The following WNK2 variants were observed in gnomAD, a reference collection of about 807,000 sequenced individuals.
WNK2 encodes serine/threonine-protein kinase WNK2.
WNK2 carries 67 observed loss-of-function variants against 192.1 expected under a neutral mutation model. That is an observed-to-expected ratio of 0.35 (90% CI 0.29 to 0.43). The LOEUF is 0.43. Ranked by LOEUF, WNK2 falls within the 20% of genes least tolerant of loss-of-function variation. The probability of loss-of-function intolerance (pLI) is 1.00; values close to 1 mark genes in which losing one functional copy is unlikely to be tolerated. For missense variants in WNK2, 2,698 were observed against 3,089.7 expected (o/e 0.87, Z 3.01); for synonymous variants, 1,439 against 1,393.9 (o/e 1.03, Z -0.72).
intron 7 of WNK2, among the ~76,000 whole-genome samples, chr9:93,241,914 G>C (rs1840838948): frequency 6.6e-6 from 1 of 152,082 alleles, no homozygotes; most frequent in African/African-American, 2.4e-5. Flanking sequence ...CTGCTCCTGG[G>C]GCTGGCTGTG....
intron 5 of WNK2, among the ~76,000 whole-genome samples, chr9:93,237,158 ATTC>A (rs1255696830): frequency 6.6e-6 from 1 of 152,140 alleles, no homozygotes; most frequent in Non-Finnish European, 1.5e-5. Context: ...GTTTCACAGA[ATTC>A]TTCAATTTAT....
At chr9:93,198,363 G>A (rs1333057392) in intron 2 of WNK2, among the ~76,000 whole-genome samples, 1 of 152,366 alleles carries the variant, frequency 6.6e-6, no homozygotes, top group East Asian at 1.9e-4. Flanking sequence ...GGGCTTGCTG[G>A]CAGGAGGAGG....
At chr9:93,237,494 T>C (rs1440345524) in intron 5 of WNK2, among the ~76,000 whole-genome samples, 4 of 152,238 alleles carry the variant, frequency 2.6e-5, no homozygotes, top group Admixed American at 2.6e-4. Context: ...GAGTTCTATT[T>C]GGTTCTGTTT....
In WNK2 at chr9:93,292,856, C is replaced by T. The variant is rs759687745; in HGVS notation, c.5391C>T (p.Ile1797=). 56 of 1,492,382 alleles carry T rather than the reference C, an allele frequency of 3.8e-5. No individual in the cohort carries two copies. Among genetic ancestry groups the T allele is most frequent in the Admixed American group, 1.3e-4 (6 of 45,418 alleles). 92.4% of individuals were successfully genotyped at this position (1,492,382 alleles called of 1,614,324 possible). ...GGCGGGCGCAGACGGCCTCCTCCAT[C>T]GAGGTCGGCGTGGGCGAGCCCGTGT... is the stretch of plus-strand genomic sequence containing the variant. ...AVRRAQTASS[I]EVGVGEPVSS... The change falls in exon 23 of 30, where the codon ATC becomes ATT. Residue 1797 remains isoleucine (I), a synonymous_variant. Coordinates refer to ENST00000427277, the MANE Select transcript of WNK2 (RefSeq NM_006648.4).
Position 93,292,403 on chromosome 9 carries a change from G to A in WNK2, c.5025+7G>A. On this transcript the variant is annotated splice_region_variant and intron_variant, in intron 22 of 29. Coordinates refer to ENST00000427277, the MANE Select transcript of WNK2 (RefSeq NM_006648.4). ...GGTCCCCAGCGTCCCCCAGGTAAGG[G>A]CGACTTGACGACCCCCTGGCTGGTT... 4.3e-6 allele frequency: 7 copies of A among 1,613,930 alleles called. No homozygotes were observed. The East Asian group carries it at 1.6e-4, about 36-fold the overall frequency.
chr9:93,318,786 T>C (rs1054957764), intron 29 of WNK2: 1 of 1,411,342 alleles, frequency 7.1e-7, no homozygotes, highest in Non-Finnish European at 9.2e-7. Context: ...CTCCTGGAGA[T>C]TTCAGTGGGA....
chr9:93,276,915 A>G (rs1847003055), intron 19 of WNK2, among the ~76,000 whole-genome samples: 1 of 152,126 alleles, frequency 6.6e-6, no homozygotes, highest in Admixed American at 6.6e-5. Context: ...GGGCACCTGT[A>G]ATCCCAGCTA....
rs1843921310 is a variant in WNK2 at position 93,259,786 on chromosome 9, C to T, written c.3066+172C>T. Among the ~76,000 whole-genome samples the T allele has an allele frequency of 2.0e-5, 3 of 152,188 alleles. No individual in the cohort carries two copies. The highest frequency in any genetic ancestry group is 1.3e-4 in the Admixed American group (2 of 15,284). On this transcript the variant is annotated intron_variant, in intron 12 of 29. Transcript: ENST00000427277. The surrounding 1 kb of genome is among the most constrained non-coding windows in gnomAD (Gnocchi z 4.8). ...GGCGGGGGCTGGCGCCAGCGCGAGG[C>T]ATCTGCATCTCTTCCGTTTTCCGAA...
Position 93,239,653 on chromosome 9 carries a change from T to C in WNK2, c.1323-104T>C. ...TGAGACATGAGGCCTGGCCTCAGGC[T>C]CCTGCAGGTGTGCCTGTCCTTGTCC... On this transcript the variant is annotated intron_variant, in intron 6 of 29. Transcript: ENST00000427277. This position sits in a 1 kb window ranked among gnomAD's most constrained non-coding sequence, Gnocchi z 4.2. The C allele has an allele frequency of 1.0e-6, 1 of 988,810 alleles. No individual in the cohort carries two copies. The highest frequency in any genetic ancestry group is 1.5e-6 in the Non-Finnish European group (1 of 671,566). 61.3% of individuals were successfully genotyped at this position (988,810 alleles called of 1,614,324 possible).
chr9:93,251,319 A>G (rs897146927), intron 8 of WNK2, among the ~76,000 whole-genome samples: 1 of 150,302 alleles, frequency 6.7e-6, no homozygotes. Flanking sequence ...GGGTTTCACT[A>G]TGTTGGCCAG....
intron 5 of WNK2, among the ~76,000 whole-genome samples, chr9:93,237,398 A>G (rs1400445153): frequency 6.6e-6 from 1 of 152,174 alleles, no homozygotes; most frequent in African/African-American, 2.4e-5. Context: ...TCACATCTTC[A>G]GGTTCACTCG....
At chr9:93,214,562 C>T (rs1239401885) in intron 2 of WNK2, among the ~76,000 whole-genome samples, 8 of 152,058 alleles carry the variant, frequency 5.3e-5, no homozygotes, top group Admixed American at 5.2e-4. Flanking sequence ...CCTCAGCCTC[C>T]CAAAGTGCTG....
intron 19 of WNK2, among the ~76,000 whole-genome samples, chr9:93,276,575 T>A (rs1846922424): frequency 1.3e-5 from 2 of 152,200 alleles, no homozygotes; most frequent in African/African-American, 4.8e-5. Context: ...AAAAAATGGA[T>A]ACATTAGACA....
intron 2 of WNK2, among the ~76,000 whole-genome samples, chr9:93,196,093 C>G (rs920595113): frequency 6.6e-6 from 1 of 152,068 alleles, no homozygotes; most frequent in Non-Finnish European, 1.5e-5. Context: ...TTGAAGGGTG[C>G]GAGGGGGAAG....
At chr9:93,285,319 A>T (rs1033438602) in intron 19 of WNK2, among the ~76,000 whole-genome samples, 1 of 152,234 alleles carries the variant, frequency 6.6e-6, no homozygotes, top group African/African-American at 2.4e-5. Flanking sequence ...AAGAAATAAA[A>T]CTACCACTGT....
At chr9:93,263,844 TGGG>T (rs1844733488) in intron 15 of WNK2, 70 bp from the exon 16 acceptor site, 5 of 417,540 alleles carry the variant, frequency 1.2e-5, no homozygotes, top group African/African-American at 7.1e-5. Flanking sequence ...GAGGGGTACT[TGGG>T]GGTGTGTGGG....
chr9:93,268,811 G>T (rs763566124), intron 19 of WNK2, 65 bp downstream of exon 19: 2 of 1,581,228 alleles, frequency 1.3e-6, no homozygotes, highest in South Asian at 1.2e-5. Context: ...TTCTGTGCAT[G>T]ACCCAGCCGG....
At chr9:93,246,712 C>T (rs1212806924) in intron 7 of WNK2, among the ~76,000 whole-genome samples, 2 of 152,242 alleles carry the variant, frequency 1.3e-5, no homozygotes, top group African/African-American at 4.8e-5. Flanking sequence ...AGCCAGGATG[C>T]CCTCTTGCAC....
intron 2 of WNK2, among the ~76,000 whole-genome samples, chr9:93,193,879 A>G (rs914157104): frequency 5.3e-5 from 8 of 152,258 alleles, no homozygotes; most frequent in African/African-American, 1.9e-4. Context: ...AAAGTGGTCA[A>G]GGCAGTGCAG....
Sources: allele counts gnomAD v4.1 joint callset (sites outside exome capture counted in the v4.1 genomes callset), GRCh38; gene constraint gnomAD v4.1.1; non-coding constraint Gnocchi (gnomAD v3.1); transcripts MANE v1.5; gene names NCBI Gene and HGNC (gene_info 2026-07-23, HGNC 2026-07-21).